Variants in PRR5L observed in about 807,000 individuals in gnomAD.
PRR5L encodes the protein proline rich 5 like, also known as proline-rich protein 5-like.
Under a neutral mutation model 36.4 loss-of-function variants are expected in PRR5L, and 21 were observed. That is an observed-to-expected ratio of 0.58 (90% CI 0.41 to 0.83). The LOEUF is 0.83. Ranked by LOEUF, PRR5L falls within the 40% of genes least tolerant of loss-of-function variation. The pLI is 0.00. For synonymous variants in PRR5L, 188 were observed against 197.0 expected, an observed-to-expected ratio of 0.95 and a Z score of 0.38; for missense variants, 381 against 473.3, an observed-to-expected ratio of 0.80 and a Z score of 1.81.
intron 1 of PRR5L, among the ~76,000 whole-genome samples, chr11:36,338,077 C>A (rs1856785277): frequency 1.3e-5 from 2 of 152,168 alleles, no homozygotes; most frequent in African/African-American, 4.8e-5. Flanking sequence ...GTCACGTGGC[C>A]ATACCCAGCT....
rs755502225 is a variant in PRR5L at position 36,437,394 on chromosome 11, G to T, written c.362G>T (p.Arg121Leu). ...TCTCGCCCTCTTGTAGGTGAAAATCGCATTGAGGTTCTGGCTGAAGTCTGG... is the reference window on the plus strand; with the variant it reads ...TCTCGCCCTCTTGTAGGTGAAAATCTCATTGAGGTTCTGGCTGAAGTCTGG... ...EKIKLCEGEN[R>L]IEVLAEVWDH... The change falls in exon 6 of 9, where the codon CGC (arginine) becomes CTC (leucine). Residue 121 changes from arginine to leucine, a missense_variant. Transcript: ENST00000530639. The T allele has an allele frequency of 2.9e-5, 47 of 1,608,412 alleles. No homozygotes were observed. The highest frequency in any genetic ancestry group is 3.3e-4 in the Middle Eastern group (2 of 6,074).
chr11:36,403,635 G>A (rs1190861415), intron 3 of PRR5L, among the ~76,000 whole-genome samples: 1 of 152,144 alleles, frequency 6.6e-6, no homozygotes, highest in East Asian at 1.9e-4. Flanking sequence ...TTGATAGATG[G>A]CAGCTGTCAT....
intron 1 of PRR5L, among the ~76,000 whole-genome samples, chr11:36,296,757 T>C (rs1048377845): frequency 6.6e-6 from 1 of 152,212 alleles, no homozygotes; most frequent in Non-Finnish European, 1.5e-5. Flanking sequence ...GCTCTTTCTC[T>C]ATGTATTGCA....
intron 1 of PRR5L, chr11:36,375,927 A>T (rs1857250082): frequency 3.1e-6 from 1 of 319,560 alleles, no homozygotes; most frequent in African/African-American, 2.3e-5. Context: ...TCCAGGCTCC[A>T]CTCCTCTCTT....
intron 1 of PRR5L, among the ~76,000 whole-genome samples, chr11:36,387,017 G>C (rs72950090): frequency 2.0e-5 from 3 of 152,146 alleles, no homozygotes; most frequent in Admixed American, 2.0e-4. Context: ...AGGGGCAGGC[G>C]TGGGGTCCAG....
chr11:36,395,504 A>C (rs1246248653), intron 1 of PRR5L, among the ~76,000 whole-genome samples: 1 of 152,216 alleles, frequency 6.6e-6, no homozygotes. Flanking sequence ...CAAATACGGA[A>C]CATTTCTGTC....
intron 4 of PRR5L, among the ~76,000 whole-genome samples, chr11:36,423,870 C>G (rs932401474): frequency 6.6e-6 from 1 of 152,206 alleles, no homozygotes; most frequent in Non-Finnish European, 1.5e-5. Context: ...GAAGCTCCCA[C>G]TGGCCACTGT....
intron 1 of PRR5L, chr11:36,321,123 A>G (rs933497630): frequency 2.0e-5 from 3 of 152,242 alleles, no homozygotes; most frequent in Non-Finnish European, 2.9e-5. Flanking sequence ...TTTTCTAACC[A>G]TTATAGTAGG....
At chr11:36,433,437 T>C (rs1666600548) in intron 5 of PRR5L, among the ~76,000 whole-genome samples, 1 of 152,222 alleles carries the variant, frequency 6.6e-6, no homozygotes, top group African/African-American at 2.4e-5. Context: ...TCCCTTCTTA[T>C]TTTAAGGCTA....
At chr11:36,374,209 C>T (rs1367607676) in intron 1 of PRR5L, among the ~76,000 whole-genome samples, 1 of 151,960 alleles carries the variant, frequency 6.6e-6, no homozygotes, top group African/African-American at 2.4e-5. Context: ...AATTCTCTGC[C>T]TCAGTCTCCA....
At chr11:36,415,037 T>G (rs1227042664) in intron 3 of PRR5L, among the ~76,000 whole-genome samples, 1 of 146,256 alleles carries the variant, frequency 6.8e-6, no homozygotes, top group Non-Finnish European at 1.5e-5. Flanking sequence ...TGCAGCGTTA[T>G]TTCTGTGGGC....
intron 3 of PRR5L, among the ~76,000 whole-genome samples, chr11:36,408,677 G>A (rs1375568199): frequency 6.6e-6 from 1 of 152,142 alleles, no homozygotes; most frequent in Non-Finnish European, 1.5e-5. Flanking sequence ...TTAGAGGTTT[G>A]GGTTTCATGA....
intron 1 of PRR5L, among the ~76,000 whole-genome samples, chr11:36,364,003 T>A (rs1462634983): frequency 6.6e-6 from 1 of 152,220 alleles, no homozygotes; most frequent in African/African-American, 2.4e-5. Context: ...ATAAGGCACC[T>A]GCATGTTCTT....
chr11:36,344,219 C>CA lies in PRR5L; in HGVS notation c.-126+47793dup, dbSNP rs201296184. ...GGGCAACAAGCGCAAAACTCTGTCTCAAAAAAAAAAAATCACATGCTCATA... is the reference window on the plus strand; with the variant it reads ...GGGCAACAAGCGCAAAACTCTGTCTCAAAAAAAAAAAAATCACATGCTCATA... On this transcript the variant is annotated intron_variant, in intron 1 of 8. Transcript: ENST00000530639. This position sits in a 1 kb window ranked among gnomAD's most constrained non-coding sequence, Gnocchi z 4.1. 0.025 allele frequency among the ~76,000 whole-genome samples: 3,506 copies of CA among 138,548 alleles called. 147 individuals are homozygous for CA. Among genetic ancestry groups the CA allele is most frequent in the African/African-American group, 0.082 (3,114 of 38,156 alleles). The allele number at this position is 138,548 out of a possible 152,430, so 90.9% of individuals were successfully genotyped here. A position where few individuals can be genotyped will look rare whatever the true frequency, so the allele number is the denominator to read the frequency against.
At chr11:36,311,010 A>AAG (rs1319251082) in intron 1 of PRR5L, among the ~76,000 whole-genome samples, 4 of 151,320 alleles carry the variant, frequency 2.6e-5, no homozygotes, top group African/African-American at 9.7e-5. Context: ...AAAAAAAAAA[A>AAG]AAAAAAGAAT....
At chr11:36,411,185 C>T (rs1360145376) in intron 3 of PRR5L, among the ~76,000 whole-genome samples, 1 of 152,190 alleles carries the variant, frequency 6.6e-6, no homozygotes. Flanking sequence ...AGACTGACTC[C>T]ATCCGAGGTG....
intron 1 of PRR5L, among the ~76,000 whole-genome samples, chr11:36,371,324 A>G (rs1204968401): frequency 3.3e-5 from 5 of 152,236 alleles, no homozygotes; most frequent in Admixed American, 6.5e-5. Flanking sequence ...CTGGTGTTAG[A>G]TCAGATGCTG....
chr11:36,337,405 A>G (rs1565396978), intron 1 of PRR5L, among the ~76,000 whole-genome samples: 1 of 152,174 alleles, frequency 6.6e-6, no homozygotes, highest in East Asian at 1.9e-4. Context: ...TAGCCCTCTA[A>G]CATCTTGATC....
intron 1 of PRR5L, among the ~76,000 whole-genome samples, chr11:36,335,903 T>C (rs1856764253): frequency 1.3e-5 from 2 of 152,214 alleles, no homozygotes; most frequent in African/African-American, 2.4e-5. Context: ...TGGGTTTTCT[T>C]ATATTTTGAA....
Sources: allele counts gnomAD v4.1 joint callset (sites outside exome capture counted in the v4.1 genomes callset), GRCh38; gene constraint gnomAD v4.1.1; non-coding constraint Gnocchi (gnomAD v3.1); transcripts MANE v1.5; gene names NCBI Gene and HGNC (gene_info 2026-07-23, HGNC 2026-07-21).